Variants in RBFOX1 observed in about 807,000 individuals in gnomAD.
The protein encoded by RBFOX1 is RNA binding fox-1 homolog 1, also known as RNA binding protein fox-1 homolog 1.
In RBFOX1, 8 loss-of-function variants were observed where a neutral mutation model predicts 57.7. The observed-to-expected ratio is 0.14, with a 90% CI of 0.08 to 0.25. The LOEUF (loss-of-function observed/expected upper bound fraction) is 0.25, where lower values mean the gene tolerates loss of function less well. RBFOX1 is among the 10% of genes least tolerant of loss of function. The probability of loss-of-function intolerance (pLI) is 1.00; values close to 1 mark genes in which losing one functional copy is unlikely to be tolerated. For missense variants in RBFOX1, 611 were observed against 548.5 expected (o/e 1.11, Z -1.14); for synonymous variants, 326 against 222.4 (o/e 1.47, Z -4.15).
At chr16:7,623,075 C>G (rs1436019755) in intron 10 of RBFOX1, among the ~76,000 whole-genome samples, 1 of 152,114 alleles carries the variant, frequency 6.6e-6, no homozygotes, top group Non-Finnish European at 1.5e-5. Context: ...CTTCTAAGTC[C>G]AAGAGAAGTT....
chr16:7,419,879 T>G (rs577399502), intron 4 of RBFOX1, among the ~76,000 whole-genome samples: 2 of 152,104 alleles, frequency 1.3e-5, no homozygotes, highest in African/African-American at 2.4e-5. Context: ...CACTGTATTT[T>G]AGCAACCTGC....
intron 1 of RBFOX1, among the ~76,000 whole-genome samples, chr16:6,051,816 G>C (rs1262710666): frequency 3.3e-5 from 5 of 152,144 alleles, no homozygotes; most frequent in African/African-American, 1.2e-4. Flanking sequence ...CACCCACCCT[G>C]GCCTCCCAAA....
intron 4 of RBFOX1, among the ~76,000 whole-genome samples, chr16:7,055,882 C>T (rs1189464901): frequency 6.6e-6 from 1 of 152,142 alleles, no homozygotes; most frequent in Non-Finnish European, 1.5e-5. Flanking sequence ...TACTCTCTTT[C>T]ATCCTACATG....
intron 1 of RBFOX1, among the ~76,000 whole-genome samples, chr16:6,171,273 C>T (rs1320558640): frequency 1.3e-5 from 2 of 152,170 alleles, no homozygotes; most frequent in Non-Finnish European, 2.9e-5. Flanking sequence ...ACATATCAAT[C>T]TATAACACCA....
chr16:7,105,781 T>C (rs1437466390), intron 4 of RBFOX1, among the ~76,000 whole-genome samples: 2 of 87,862 alleles, frequency 2.3e-5, no homozygotes, highest in African/African-American at 1.0e-4. Context: ...TATGTAGATG[T>C]ATATAGAGAT....
At chr16:7,589,699 C>T (rs571567435) in intron 7 of RBFOX1, among the ~76,000 whole-genome samples, 1 of 151,818 alleles carries the variant, frequency 6.6e-6, no homozygotes, top group Non-Finnish European at 1.5e-5. Flanking sequence ...TGACATTATC[C>T]TTTATGGGAA....
At chr16:7,700,398 C>G (rs567615524) in intron 14 of RBFOX1, among the ~76,000 whole-genome samples, 7 of 152,242 alleles carry the variant, frequency 4.6e-5, no homozygotes, top group Admixed American at 2.6e-4. Flanking sequence ...TTTGAGATAG[C>G]TTAGCAAGAA....
intron 2 of RBFOX1, among the ~76,000 whole-genome samples, chr16:5,477,427 C>T (rs749487068): frequency 6.6e-6 from 1 of 152,150 alleles, no homozygotes; most frequent in Non-Finnish European, 1.5e-5. Flanking sequence ...GAGAGAAATG[C>T]TCAGCCCCTC....
exon 3 of RBFOX1, chr16:5,599,230 C>T (rs776681003): frequency 2.2e-5 from 15 of 690,662 alleles, no homozygotes; most frequent in African/African-American, 1.4e-4. Flanking sequence ...TGGACAGATC[C>T]GGGGCACAGT....
chr16:6,326,385 G>T (rs2082373848), intron 2 of RBFOX1, among the ~76,000 whole-genome samples: 1 of 152,134 alleles, frequency 6.6e-6, no homozygotes, highest in South Asian at 2.1e-4. Context: ...AACTATCACA[G>T]ACTAGCCAAT....
chr16:6,342,232 G>T (rs985300514), intron 2 of RBFOX1, among the ~76,000 whole-genome samples: 1 of 152,200 alleles, frequency 6.6e-6, no homozygotes, highest in Admixed American at 6.5e-5. Flanking sequence ...CAGTTGGGAA[G>T]CTGTTGCAGA....
chr16:7,709,589 C>T (rs1018498996), intron 15 of RBFOX1: 54 of 1,530,870 alleles, frequency 3.5e-5, no homozygotes, highest in Non-Finnish European at 4.7e-5. Flanking sequence ...ACTGCCTCTC[C>T]TCCCCTATTA....
At chr16:7,680,862 A>G (rs1169383786) in intron 14 of RBFOX1, among the ~76,000 whole-genome samples, 4 of 152,122 alleles carry the variant, frequency 2.6e-5, no homozygotes, top group Admixed American at 1.3e-4. Flanking sequence ...TAGAAATCCA[A>G]ATAAAATGCC....
At chr16:7,324,769 C>G (rs935483165) in intron 4 of RBFOX1, among the ~76,000 whole-genome samples, 8 of 152,158 alleles carry the variant, frequency 5.3e-5, no homozygotes, top group African/African-American at 1.9e-4. Flanking sequence ...TTGTGCATCT[C>G]CATAACCATT....
At chr16:7,251,473 C>T (rs996935217) in intron 4 of RBFOX1, among the ~76,000 whole-genome samples, 9 of 148,132 alleles carry the variant, frequency 6.1e-5, no homozygotes, top group Non-Finnish European at 4.4e-5. Flanking sequence ...TGCAGTGGCG[C>T]GGTCTTGGCT....
intron 3 of RBFOX1, among the ~76,000 whole-genome samples, chr16:6,973,150 A>G (rs968734676): frequency 6.6e-6 from 1 of 151,928 alleles, no homozygotes; most frequent in African/African-American, 2.4e-5. Context: ...TTAAAAATTT[A>G]AAAATAGAGA....
intron 2 of RBFOX1, among the ~76,000 whole-genome samples, chr16:5,558,690 T>G (rs1366315167): frequency 6.6e-6 from 1 of 152,144 alleles, no homozygotes; most frequent in Non-Finnish European, 1.5e-5. Context: ...CAGTCTTGTG[T>G]GGGGTGGGAC....
At chr16:6,957,296 T>C (rs938676910) in intron 3 of RBFOX1, among the ~76,000 whole-genome samples, 4 of 151,734 alleles carry the variant, frequency 2.6e-5, no homozygotes, top group Non-Finnish European at 5.9e-5. Context: ...TGCGCCAGGC[T>C]AATTTTTTGT....
chr16:7,543,957 G>A (rs1264982819), intron 5 of RBFOX1, among the ~76,000 whole-genome samples: 1 of 152,128 alleles, frequency 6.6e-6, no homozygotes, highest in Non-Finnish European at 1.5e-5. Context: ...CTAACTTCAT[G>A]ACCCACCTGC....
Sources: gnomAD v4.1 joint callset for allele counts (sites outside exome capture counted in the v4.1 genomes callset) on GRCh38, gnomAD v4.1.1 for gene constraint, MANE v1.5 for transcripts, NCBI Gene and HGNC (gene_info 2026-07-23, HGNC 2026-07-21) for gene names.